MAST2: variants seen among roughly 807,000 people sequenced by gnomAD.
MAST2 encodes microtubule associated serine/threonine kinase 2.
MAST2 carries 70 observed loss-of-function variants against 147.4 expected under a neutral mutation model. That is an observed-to-expected ratio of 0.47 (90% CI 0.39 to 0.58). The LOEUF is 0.58. MAST2 is among the 20% of genes least tolerant of loss of function. MAST2 has a pLI of 0.00. For missense variants in MAST2, 2,080 were observed against 2,302.3 expected (o/e 0.90, Z 1.98); for synonymous variants, 869 against 896.8 (o/e 0.97, Z 0.55).
intron 3 of MAST2, among the ~76,000 whole-genome samples, chr1:45,880,811 TCTCTACTAAAAATACAAAAAAATTAG>T (rs1428134522): frequency 6.6e-6 from 1 of 151,636 alleles, no homozygotes; most frequent in African/African-American, 2.4e-5. Flanking sequence ...TGAACCCCTG[TCTCTACTAAAAATACAAAAAAATTAG>T]CTGGGCATGG....
Position 46,034,866 on chromosome 1 carries a change from A to G in MAST2, c.4197A>G (p.Ser1399=), listed in dbSNP as rs1646835691. 1.2e-6 allele frequency: 2 copies of G among 1,614,186 alleles called. No individual in the cohort carries two copies. Among genetic ancestry groups the G allele is most frequent in the Non-Finnish European group, 1.7e-6 (2 of 1,180,032 alleles). Residue 1399 remains serine (S), a synonymous_variant, in exon 29 of 29, where the codon TCA becomes TCG. Transcript: ENST00000361297. The part of the protein sequence containing the change: ...SRPKSAEPPR[S]PLLKRVQSAE... ...CCAAGAGTGCGGAGCCACCCCGTTC[A>G]CCACTACTCAAGAGGGTGCAGTCGG...
At chr1:46,029,614 A>C in intron 19 of MAST2, 47 bp downstream of exon 19, 3 of 1,562,116 alleles carry the variant, frequency 1.9e-6, no homozygotes, top group Non-Finnish European at 2.6e-6. Flanking sequence ...AAAAGGGGTA[A>C]GGGAGGCTGA....
chr1:45,853,857 A>G (rs1225302404), intron 3 of MAST2, among the ~76,000 whole-genome samples: 2 of 152,044 alleles, frequency 1.3e-5, no homozygotes, highest in East Asian at 3.9e-4. Context: ...TTCTTTTAAA[A>G]ATTTACAGTT....
chr1:45,986,042 A>G (rs1410561672), intron 5 of MAST2, among the ~76,000 whole-genome samples: 6 of 152,190 alleles, frequency 3.9e-5, no homozygotes, highest in African/African-American at 1.4e-4. Flanking sequence ...CAACTTGCCT[A>G]TTCCACTGGG....
intron 6 of MAST2, chr1:46,001,011 G>A: frequency 1.6e-6 from 2 of 1,286,446 alleles, no homozygotes; most frequent in South Asian, 1.2e-5. Flanking sequence ...AGAGGGGCTG[G>A]GAAACTGCTA....
At chr1:45,923,613 T>G (rs2148660740) in intron 4 of MAST2, among the ~76,000 whole-genome samples, 1 of 152,302 alleles carries the variant, frequency 6.6e-6, no homozygotes, top group South Asian at 2.1e-4. Context: ...GTGGCAGAAC[T>G]GGGATAGAAA....
At chr1:45,958,552 C>G (rs369876441) in intron 4 of MAST2, among the ~76,000 whole-genome samples, 16 of 151,384 alleles carry the variant, frequency 1.1e-4, no homozygotes, top group Admixed American at 4.6e-4. Flanking sequence ...CCCTCTCCCC[C>G]TCTCCCTCTC....
chr1:45,807,662 C>G lies in MAST2; in HGVS notation c.177+3590C>G, dbSNP rs192543297. ...GCTCAAGTGATTCTCCAGCTTCAGC[C>G]TCCCCAGTAGCTGGGATTGCAGGCG... On this transcript the variant is annotated intron_variant, in intron 1 of 28. Coordinates refer to ENST00000361297, the MANE Select transcript of MAST2 (RefSeq NM_015112.3). 7.9e-5 allele frequency among the ~76,000 whole-genome samples: 12 copies of G among 152,198 alleles called. 1 individual carries two copies. The highest frequency in any genetic ancestry group is 4.2e-4 in the South Asian group (2 of 4,818).
Position 46,006,258 on chromosome 1 carries a change from G to A in MAST2, c.765G>A (p.Gln255=), listed in dbSNP as rs1320513211. 5.0e-6 allele frequency: 8 copies of A among 1,613,138 alleles called. No homozygotes were observed. The South Asian group carries it at 8.8e-5, about 18-fold the overall frequency. ...CCCTCTAGTCATCATGCTCCTCACAGGAAAAGCTGCATCAGTTGCCTTTCC... is the reference window on the plus strand; with the variant it reads ...CCCTCTAGTCATCATGCTCCTCACAAGAAAAGCTGCATCAGTTGCCTTTCC... ...SSTVSSSCSS[Q]EKLHQLPFQP... Residue 255 remains glutamine, a synonymous_variant, in exon 8 of 29, where the codon CAG becomes CAA. Transcript: ENST00000361297.
chr1:45,888,879 A>G (rs1465720391), intron 4 of MAST2, among the ~76,000 whole-genome samples: 1 of 148,728 alleles, frequency 6.7e-6, no homozygotes, highest in Non-Finnish European at 1.5e-5. Flanking sequence ...ACGGGGTTTC[A>G]CCACGTTAGC....
intron 1 of MAST2, among the ~76,000 whole-genome samples, chr1:45,813,562 G>A (rs1044343604): frequency 6.7e-6 from 1 of 149,222 alleles, no homozygotes; most frequent in Non-Finnish European, 1.5e-5. Context: ...GCAGTGGCAC[G>A]ATCTTGGCTC....
At chr1:45,822,061 G>A (rs1644652389) in intron 1 of MAST2, among the ~76,000 whole-genome samples, 1 of 151,462 alleles carries the variant, frequency 6.6e-6, no homozygotes, top group African/African-American at 2.4e-5. Context: ...GCTAATTTTT[G>A]TATTTTTAGT....
At chr1:45,902,369 G>C (rs1377013644) in intron 4 of MAST2, among the ~76,000 whole-genome samples, 1 of 152,124 alleles carries the variant, frequency 6.6e-6, no homozygotes, top group African/African-American at 2.4e-5. Flanking sequence ...TTGATGTGCT[G>C]CTGGATTCAG....
intron 4 of MAST2, among the ~76,000 whole-genome samples, chr1:45,883,976 A>G (rs1236234277): frequency 3.3e-5 from 4 of 121,470 alleles, no homozygotes; most frequent in Admixed American, 1.2e-4. Flanking sequence ...TTTTCTTAGT[A>G]TTAAGTGAAA....
chr1:46,017,356 A>G (rs1465473841), intron 10 of MAST2, among the ~76,000 whole-genome samples: 6 of 152,262 alleles, frequency 3.9e-5, no homozygotes, highest in Non-Finnish European at 7.3e-5. Flanking sequence ...GCTGCTGCAC[A>G]GCAAAAGAAA....
chr1:45,951,415 T>G (rs988359465), intron 4 of MAST2, among the ~76,000 whole-genome samples: 1 of 151,886 alleles, frequency 6.6e-6, no homozygotes, highest in Non-Finnish European at 1.5e-5. Context: ...AAACCCTGTC[T>G]CTACAAAAAA....
At chr1:45,984,810 G>A (rs1350553089) in intron 5 of MAST2, among the ~76,000 whole-genome samples, 1 of 151,956 alleles carries the variant, frequency 6.6e-6, no homozygotes, top group African/African-American at 2.4e-5. Flanking sequence ...CTGTGATTGA[G>A]CCACTGTACT....
intron 5 of MAST2, among the ~76,000 whole-genome samples, chr1:45,987,512 G>A (rs552163186): frequency 1.2e-4 from 18 of 151,992 alleles, no homozygotes; most frequent in Admixed American, 8.5e-4. Context: ...GGGTCTCATC[G>A]TGTTGCCCAG....
chr1:46,017,329 T>C lies in MAST2; in HGVS notation c.1189-2267T>C, dbSNP rs181809086. ...CAAAAGCCAAAATTGACAAATGGGA[T>C]CTAATTAAACGAAAGAGCTGCTGCA... On this transcript the variant is annotated intron_variant, in intron 10 of 28. Coordinates refer to ENST00000361297, the MANE Select transcript of MAST2 (RefSeq NM_015112.3). Among the ~76,000 whole-genome samples, 721 of 152,090 alleles carry C rather than the reference T, an allele frequency of 4.7e-3. 2 individuals carry two copies. Among genetic ancestry groups the C allele is most frequent in the Admixed American group, 0.022 (340 of 15,280 alleles).
Sources: gnomAD v4.1 joint callset for allele counts (sites outside exome capture counted in the v4.1 genomes callset) on GRCh38, gnomAD v4.1.1 for gene constraint, MANE v1.5 for transcripts, NCBI Gene and HGNC (gene_info 2026-07-23, HGNC 2026-07-21) for gene names.